The following PPARGC1A variants were observed in gnomAD, a reference collection of about 807,000 sequenced individuals.
PPARGC1A encodes PPARG coactivator 1 alpha.
A neutral mutation model predicts 88.7 loss-of-function variants in PPARGC1A; 25 were observed. The observed-to-expected ratio is 0.28, with a 90% confidence interval of 0.21 to 0.39. The LOEUF is 0.39. PPARGC1A is among the 10% of genes least tolerant of loss of function. The pLI is 1.00. For missense variants in PPARGC1A, 880 were observed against 968.7 expected, an observed-to-expected ratio of 0.91 and a Z score of 1.22; for synonymous variants, 363 against 355.6, an observed-to-expected ratio of 1.02 and a Z score of -0.24.
At chr4:24,194,556 A>G in the PPARGC1A span, among the ~76,000 whole-genome samples, 1 of 151,990 alleles carries the variant, frequency 6.6e-6, no homozygotes, top group Non-Finnish European at 1.5e-5. Flanking sequence ...GTCATTGAAC[A>G]TGGAATAAAA....
At chr4:24,300,133 C>T in the PPARGC1A span, among the ~76,000 whole-genome samples, 8 of 151,644 alleles carry the variant, frequency 5.3e-5, no homozygotes, top group South Asian at 2.2e-4. Context: ...TTCCTGCCTT[C>T]GTTATCTACT....
At chr4:23,863,069 C>A (rs760307492) in intron 2 of PPARGC1A, among the ~76,000 whole-genome samples, 14 of 152,116 alleles carry the variant, frequency 9.2e-5, no homozygotes, top group Admixed American at 2.0e-4. Context: ...GTTGAAACCA[C>A]AGCCATTTTT....
chr4:24,129,806 CTATGCAGCCATA>C, the PPARGC1A span, among the ~76,000 whole-genome samples: 1 of 152,162 alleles, frequency 6.6e-6, no homozygotes, highest in Non-Finnish European at 1.5e-5. Flanking sequence ...CCATGGAATA[CTATGCAGCCATA>C]AAAAATGATG....
the PPARGC1A span, among the ~76,000 whole-genome samples, chr4:24,339,331 A>G: frequency 6.6e-6 from 1 of 151,008 alleles, no homozygotes; most frequent in African/African-American, 2.4e-5. Context: ...TACTCTTTGC[A>G]TGATGTTTTA....
chr4:24,106,587 C>T, the PPARGC1A span, among the ~76,000 whole-genome samples: 1 of 152,164 alleles, frequency 6.6e-6, no homozygotes, highest in Admixed American at 6.5e-5. Flanking sequence ...ACAAAGAAGT[C>T]CCCGATTCTC....
the PPARGC1A span, among the ~76,000 whole-genome samples, chr4:24,173,060 G>T: frequency 1.3e-5 from 2 of 152,166 alleles, no homozygotes; most frequent in African/African-American, 4.8e-5. Flanking sequence ...ATATATGGAA[G>T]TAAATGTGAA....
At chr4:24,370,091 C>T in the PPARGC1A span, among the ~76,000 whole-genome samples, 1 of 152,256 alleles carries the variant, frequency 6.6e-6, no homozygotes, top group Non-Finnish European at 1.5e-5. Context: ...TCACAGCCTT[C>T]AGCAGGCAAC....
the PPARGC1A span, among the ~76,000 whole-genome samples, chr4:24,394,437 G>A: frequency 1.6e-4 from 25 of 152,196 alleles, no homozygotes; most frequent in African/African-American, 5.5e-4. Flanking sequence ...AGCACTTCAC[G>A]ACCTTCACTT....
At chr4:23,993,293 C>T in the PPARGC1A span, among the ~76,000 whole-genome samples, 1 of 152,044 alleles carries the variant, frequency 6.6e-6, no homozygotes, top group Non-Finnish European at 1.5e-5. Context: ...ATCATAATGT[C>T]AGACAATGAC....
chr4:23,949,614 C>A, the PPARGC1A span, among the ~76,000 whole-genome samples: 133 of 152,286 alleles, frequency 8.7e-4, 1 homozygote, highest in Non-Finnish European at 1.6e-3. Context: ...AACTCCCAAC[C>A]ATTTTAAGCA....
At chr4:23,867,116 T>G (rs989157204) in intron 2 of PPARGC1A, among the ~76,000 whole-genome samples, 11 of 152,216 alleles carry the variant, frequency 7.2e-5, no homozygotes, top group African/African-American at 2.7e-4. Flanking sequence ...TAAAAAAATC[T>G]AGCAACAATT....
chr4:24,002,126 A>AGAGAGAGAG, the PPARGC1A span, among the ~76,000 whole-genome samples: 2 of 148,152 alleles, frequency 1.3e-5, no homozygotes, highest in Non-Finnish European at 3.0e-5. Flanking sequence ...AGAGAGAGAG[A>AGAGAGAGAG]ACTTGAAGAC....
At chr4:24,360,433 A>T in the PPARGC1A span, among the ~76,000 whole-genome samples, 4 of 151,356 alleles carry the variant, frequency 2.6e-5, no homozygotes, top group African/African-American at 9.7e-5. Context: ...AGATAGCACC[A>T]CTCCCTCATC....
the PPARGC1A span, among the ~76,000 whole-genome samples, chr4:23,938,901 T>A: frequency 1.3e-5 from 2 of 152,186 alleles, no homozygotes; most frequent in East Asian, 3.9e-4. Context: ...TGGTCACTGG[T>A]GGCCATATGG....
the PPARGC1A span, among the ~76,000 whole-genome samples, chr4:24,186,879 G>C: frequency 1.3e-5 from 2 of 152,092 alleles, no homozygotes; most frequent in Non-Finnish European, 2.9e-5. Context: ...ATACCTCCTG[G>C]AACCACTGAG....
At chr4:24,076,760 T>C in the PPARGC1A span, among the ~76,000 whole-genome samples, 1 of 152,162 alleles carries the variant, frequency 6.6e-6, no homozygotes, top group East Asian at 1.9e-4. Context: ...GACGTTTGAA[T>C]ATGGAAAATG....
the PPARGC1A span, among the ~76,000 whole-genome samples, chr4:24,398,651 C>A: frequency 6.6e-6 from 1 of 152,160 alleles, no homozygotes; most frequent in African/African-American, 2.4e-5. Flanking sequence ...TCCCTTGATT[C>A]TTAAATACAA....
the PPARGC1A span, among the ~76,000 whole-genome samples, chr4:23,998,225 C>A: frequency 6.6e-6 from 1 of 152,172 alleles, no homozygotes; most frequent in Admixed American, 6.5e-5. Flanking sequence ...ACAATTTCTA[C>A]CTCACAATTT....
chr4:24,185,327 T>G, the PPARGC1A span, among the ~76,000 whole-genome samples: 1 of 151,920 alleles, frequency 6.6e-6, no homozygotes, highest in Non-Finnish European at 1.5e-5. Flanking sequence ...AACAGAGAGG[T>G]GGATGATTTT....
Sources: allele counts gnomAD v4.1 joint callset (sites outside exome capture counted in the v4.1 genomes callset), GRCh38; gene constraint gnomAD v4.1.1; transcripts MANE v1.5; gene names NCBI Gene and HGNC (gene_info 2026-07-23, HGNC 2026-07-21).